The following OR4N5 variants were observed in gnomAD, a reference collection of about 807,000 sequenced individuals.
OR4N5 encodes olfactory receptor family 4 subfamily N member 5, also known as olfactory receptor 4N5.
For missense variants in OR4N5, 428 were observed against 370.0 expected (o/e 1.16, Z -1.29); for synonymous variants, 155 against 140.6 (o/e 1.10, Z -0.72).
chr14:20,141,311 G>A (rs1475235170), intron 2 of OR4N5, 100 bp downstream of exon 2: 1 of 152,098 alleles, frequency 6.6e-6, no homozygotes, highest in African/African-American at 2.4e-5. Context: ...GTCTAAATGG[G>A]TAAAAAAGAA....
Position 20,141,661 on chromosome 14 carries a change from G to T in OR4N5, c.-12+450G>T, listed in dbSNP as rs555238783. On this transcript the variant is annotated intron_variant, in intron 2 of 2. Coordinates refer to ENST00000641086, the MANE Select transcript of OR4N5 (RefSeq NM_001004724.2). ...CTTTCTAGTTCCTTTTTCTAGGGAT[G>T]CCATTAGTAATTTCTGTCAAATTTC... Among the ~76,000 whole-genome samples, 5 of 152,014 alleles carry T rather than the reference G, an allele frequency of 3.3e-5. No homozygotes were observed. In the East Asian group the frequency reaches 7.7e-4, roughly 23 times the overall value.
At position 20,143,841 on chromosome 14, in the gene OR4N5, C is replaced by A; in HGVS notation, c.106C>A (p.Leu36Ile). Residue 36 changes from leucine to isoleucine, a missense_variant, in exon 3 of 3, where the codon CTT becomes ATT. Leu to Ile is a conservative substitution (Grantham distance 5). Transcript: ENST00000641086. ...LVFVLVLIFY[L>I]IILPGNFLII... ...CTTTGTGCTAGTCTTAATTTTCTACCTTATCATCCTCCCTGGAAATTTCCT... is the reference window on the plus strand; with the variant it reads ...CTTTGTGCTAGTCTTAATTTTCTACATTATCATCCTCCCTGGAAATTTCCT... The A allele has an allele frequency of 6.2e-7, 1 of 1,613,920 alleles. No individual in the cohort carries two copies. Among genetic ancestry groups the A allele is most frequent in the Non-Finnish European group, 8.5e-7 (1 of 1,179,920 alleles).
chr14:20,144,802 A>T lies in OR4N5; in HGVS notation c.*140A>T. The T allele has an allele frequency of 3.2e-6, 2 of 617,894 alleles. No individual in the cohort carries two copies. The highest frequency in any genetic ancestry group is 4.1e-5 in the South Asian group (2 of 49,320). The allele number at this position is 617,894 out of a possible 1,614,324, so 38.3% of individuals were successfully genotyped here. On this transcript the variant is annotated 3_prime_UTR_variant, in exon 3 of 3. Transcript: ENST00000641086. ...ACTTCCCATTTTCAGGCACTATTCC[A>T]GGCATATGAATGAGACAGGTAAGAT...
At chr14:20,143,068 T>C (rs568122832) in intron 2 of OR4N5, among the ~76,000 whole-genome samples, 1 of 152,264 alleles carries the variant, frequency 6.6e-6, no homozygotes, top group South Asian at 2.1e-4. Flanking sequence ...AGATTCAGAG[T>C]GGTACTCAGC....
intron 2 of OR4N5, 114 bp downstream of exon 2, chr14:20,141,325 GA>G (rs1376246418): frequency 1.3e-5 from 2 of 152,134 alleles, no homozygotes; most frequent in Non-Finnish European, 2.9e-5. Context: ...AAAAGAAACA[GA>G]AATGCCTAAA....
chr14:20,143,363 C>A (rs1878655077), intron 2 of OR4N5, among the ~76,000 whole-genome samples: 1 of 152,126 alleles, frequency 6.6e-6, no homozygotes, highest in Non-Finnish European at 1.5e-5. Context: ...AGACAGTGGA[C>A]CACCACTAAC....
rs756281785 is a variant in OR4N5 at position 20,143,762 on chromosome 14, G to T, written c.27G>T (p.Val9=). 5.6e-6 allele frequency: 9 copies of T among 1,611,954 alleles called. No individual in the cohort carries two copies. The South Asian group carries it at 9.9e-5, about 18-fold the overall frequency. The change falls in exon 3 of 3, where the codon GTG becomes GTT. Residue 9 remains valine (V), a synonymous_variant. Coordinates refer to ENST00000641086, the MANE Select transcript of OR4N5 (RefSeq NM_001004724.2). METQNLTV[V]TEFILLGLTQ... ...TGGAAACACAGAACCTCACAGTGGT[G>T]ACAGAATTCATTCTTCTTGGTCTGA...
intron 1 of OR4N5, among the ~76,000 whole-genome samples, chr14:20,139,537 T>C (rs997066468): frequency 1.3e-5 from 2 of 152,136 alleles, no homozygotes; most frequent in African/African-American, 4.8e-5. Context: ...TCCACTTAGA[T>C]TCAAGCTGTT....
intron 2 of OR4N5, among the ~76,000 whole-genome samples, chr14:20,143,268 C>T (rs1292279555): frequency 6.6e-6 from 1 of 152,148 alleles, no homozygotes; most frequent in Non-Finnish European, 1.5e-5. Context: ...TCCATAGGAA[C>T]TGGTGGCAGA....
In OR4N5 at chr14:20,141,231, C is replaced by A. The variant is rs1336623407; in HGVS notation, c.-12+20C>A. ...TAAAAGGTAGGACTAGGGGAGGGAG[C>A]TTCTGACTTAAGTTCTTAAGACCAG... On this transcript the variant is annotated intron_variant, in intron 2 of 2. Coordinates refer to ENST00000641086, the MANE Select transcript of OR4N5 (RefSeq NM_001004724.2). 2 of 152,096 alleles carry A rather than the reference C, an allele frequency of 1.3e-5. No homozygotes were observed. Among genetic ancestry groups the A allele is most frequent in the Non-Finnish European group, 2.9e-5 (2 of 67,998 alleles). The allele number at this position is 152,096 out of a possible 1,614,324, so 9.4% of individuals were successfully genotyped here. A position where few individuals can be genotyped will look rare whatever the true frequency, so the allele number is the denominator to read the frequency against.
rs1878709755 is a variant in OR4N5 at position 20,145,011 on chromosome 14, T to C, written c.*349T>C. On this transcript the variant is annotated 3_prime_UTR_variant, in exon 3 of 3. Coordinates refer to ENST00000641086, the MANE Select transcript of OR4N5 (RefSeq NM_001004724.2). Reference sequence around the variant, plus strand: ...TGGGGAGGTGGTAATTACCTTACTTTTGGTTGTTAAGTGAGGCCTCAAGTG... The same window carrying C: ...TGGGGAGGTGGTAATTACCTTACTTCTGGTTGTTAAGTGAGGCCTCAAGTG... 5.6e-6 allele frequency: 1 copy of C among 180,032 alleles called. No homozygotes were observed. Among genetic ancestry groups the C allele is most frequent in the African/African-American group, 2.4e-5 (1 of 41,796 alleles). The allele number at this position is 180,032 out of a possible 1,614,324, so 11.2% of individuals were successfully genotyped here. A position where few individuals can be genotyped will look rare whatever the true frequency, so the allele number is the denominator to read the frequency against.
In OR4N5 at chr14:20,144,290, C is replaced by T; in HGVS notation, c.555C>T (p.Ile185=). 2 of 1,614,070 alleles carry T rather than the reference C, an allele frequency of 1.2e-6. No individual in the cohort carries two copies. Among genetic ancestry groups the T allele is most frequent in the Non-Finnish European group, 1.7e-6 (2 of 1,179,998 alleles). Residue 185 remains isoleucine, a synonymous_variant, in exon 3 of 3, where the codon ATC becomes ATT. Transcript: ENST00000641086. The part of the protein sequence containing the change: ...DNFFCDVPQV[I]KLACTNTFVV... Reference sequence around the variant, plus strand: ...TCTTCTGTGATGTTCCACAGGTCATCAAGCTGGCCTGCACCAATACCTTTG... The same window carrying T: ...TCTTCTGTGATGTTCCACAGGTCATTAAGCTGGCCTGCACCAATACCTTTG...
In OR4N5 at chr14:20,144,418, A is replaced by G. The variant is rs907998218; in HGVS notation, c.683A>G (p.His228Arg). ...YAVILCRIRE[H>R]SSEGKSKAIS... ...GTCATCCTCTGTCGTATAAGGGAGCACTCCTCTGAAGGAAAGAGCAAGGCT... is the reference window on the plus strand; with the variant it reads ...GTCATCCTCTGTCGTATAAGGGAGCGCTCCTCTGAAGGAAAGAGCAAGGCT... Residue 228 changes from histidine (H) to arginine (R), a missense_variant, in exon 3 of 3, where the codon CAC becomes CGC. Physicochemically the swap from His to Arg is conservative, Grantham distance 29. Coordinates refer to ENST00000641086, the MANE Select transcript of OR4N5 (RefSeq NM_001004724.2). The G allele has an allele frequency of 1.8e-5, 29 of 1,613,638 alleles. No homozygotes were observed. Among genetic ancestry groups the G allele is most frequent in the Non-Finnish European group, 2.5e-5 (29 of 1,179,926 alleles).
At chr14:20,142,824 A>C (rs901642318) in intron 2 of OR4N5, among the ~76,000 whole-genome samples, 1 of 152,224 alleles carries the variant, frequency 6.6e-6, no homozygotes, top group African/African-American at 2.4e-5. Context: ...TGAGTACATC[A>C]GATTATATGT....
At chr14:20,140,680 G>C (rs540679841) in intron 1 of OR4N5, among the ~76,000 whole-genome samples, 163 bp from the exon 2 acceptor site, 1 of 152,256 alleles carries the variant, frequency 6.6e-6, no homozygotes, top group African/African-American at 2.4e-5. Context: ...ATGTATGTAT[G>C]TACATATATG....
At chr14:20,140,286 G>A (rs998090917) in intron 1 of OR4N5, among the ~76,000 whole-genome samples, 9 of 152,118 alleles carry the variant, frequency 5.9e-5, no homozygotes, top group Non-Finnish European at 1.2e-4. Flanking sequence ...AGAGAGCAAA[G>A]AGGGAGGAAA....
At chr14:20,139,140 C>A (rs1321941307) in intron 1 of OR4N5, among the ~76,000 whole-genome samples, 1 of 152,002 alleles carries the variant, frequency 6.6e-6, no homozygotes, top group African/African-American at 2.4e-5. Flanking sequence ...ATTTTTAATT[C>A]TACTATTGTT....
chr14:20,144,521 C>A lies in OR4N5; in HGVS notation c.786C>A (p.Phe262Leu). Residue 262 changes from phenylalanine to leucine, a missense_variant, in exon 3 of 3, where the codon TTC becomes TTA. Coordinates refer to ENST00000641086, the MANE Select transcript of OR4N5 (RefSeq NM_001004724.2). ...CTATTTTCATCTACACTTGCCCCTT[C>A]CAGGCTTTCCCAGCTGACAAGGTAG... is the stretch of plus-strand genomic sequence containing the variant. ...GPAIFIYTCP[F>L]QAFPADKVVS... 1 of 1,614,022 alleles carries A rather than the reference C, an allele frequency of 6.2e-7. No homozygotes were observed.
chr14:20,139,974 G>A (rs1312786396), intron 1 of OR4N5, among the ~76,000 whole-genome samples: 1 of 152,108 alleles, frequency 6.6e-6, no homozygotes, highest in Non-Finnish European at 1.5e-5. Flanking sequence ...AGTAATTAAT[G>A]AGTGATTCAG....
Sources: allele counts gnomAD v4.1 joint callset (sites outside exome capture counted in the v4.1 genomes callset), GRCh38; gene constraint gnomAD v4.1.1; transcripts MANE v1.5; gene names NCBI Gene and HGNC (gene_info 2026-07-23, HGNC 2026-07-21).